Variants in MYCBP2 observed in about 807,000 individuals in gnomAD.
MYCBP2 encodes the protein MYC binding protein 2.
Under a neutral mutation model 525.3 loss-of-function variants are expected in MYCBP2, and 120 were observed. The ratio of observed to expected loss-of-function variants is 0.23; its 90% confidence interval spans 0.20 to 0.27. The LOEUF (loss-of-function observed/expected upper bound fraction) is 0.27, where lower values mean the gene tolerates loss of function less well. Among genes scored for constraint, MYCBP2 ranks in the 10% least tolerant of loss-of-function variants. MYCBP2 has a pLI of 1.00. For synonymous variants in MYCBP2, 1,894 were observed against 1,955.8 expected (o/e 0.97, Z 0.83); for missense variants, 4,149 against 5,657.1 (o/e 0.73, Z 8.55).
chr13:77,245,543 G>A lies in MYCBP2; in HGVS notation c.2382-1592C>T, dbSNP rs188239260. On this transcript the variant is annotated intron_variant, in intron 15 of 82. Coordinates refer to ENST00000544440, the MANE Select transcript of MYCBP2 (RefSeq NM_015057.5). ...ACACTGCATGTTCTCACTCATAAGT[G>A]GGAGTTGAACAATGAGAACACATGG... is the stretch of plus-strand genomic sequence containing the variant. 2.2e-4 allele frequency among the ~76,000 whole-genome samples: 33 copies of A among 151,796 alleles called. No individual in the cohort carries two copies. In the East Asian group the frequency reaches 6.2e-3, roughly 29 times the overall value.
intron 23 of MYCBP2, among the ~76,000 whole-genome samples, chr13:77,207,618 TA>T (rs1363216418): frequency 6.6e-6 from 1 of 152,152 alleles, no homozygotes; most frequent in African/African-American, 2.4e-5. Flanking sequence ...TTACCACAAT[TA>T]AAAAATTTTA....
intron 5 of MYCBP2, among the ~76,000 whole-genome samples, chr13:77,272,626 T>G (rs1207367733): frequency 6.6e-6 from 1 of 151,938 alleles, no homozygotes; most frequent in Non-Finnish European, 1.5e-5. Flanking sequence ...TCAAAATAAT[T>G]AAGGACCATA....
intron 1 of MYCBP2, among the ~76,000 whole-genome samples, chr13:77,325,444 T>TG (rs2154385316): frequency 6.6e-6 from 1 of 152,208 alleles, no homozygotes; most frequent in East Asian, 1.9e-4. Context: ...ATGCGGCATG[T>TG]AAGGGCATGG....
intron 59 of MYCBP2, among the ~76,000 whole-genome samples, chr13:77,090,986 AAAAC>A (rs1270304668): frequency 1.3e-5 from 2 of 152,162 alleles, no homozygotes; most frequent in African/African-American, 4.8e-5. Flanking sequence ...TTATTTCTCT[AAAAC>A]AAATTTAGAA....
chr13:77,059,659 T>A (rs779575935), intron 76 of MYCBP2, 33 bp from the exon 77 acceptor site: 1 of 1,484,948 alleles, frequency 6.7e-7, no homozygotes, highest in Non-Finnish European at 9.4e-7. Context: ...AAATCCTTCT[T>A]ATGGATGTTT....
At chr13:77,045,696 GGAA>G (rs1431777563) in intron 82 of MYCBP2, among the ~76,000 whole-genome samples, 1 of 152,146 alleles carries the variant, frequency 6.6e-6, no homozygotes, top group Non-Finnish European at 1.5e-5. Flanking sequence ...TATGTACAAT[GGAA>G]GAAGTGATGG....
At chr13:77,238,019 G>T (rs139952272) in intron 17 of MYCBP2, among the ~76,000 whole-genome samples, 6 of 151,900 alleles carry the variant, frequency 3.9e-5, no homozygotes, top group Non-Finnish European at 8.8e-5. Context: ...CAAGGCAGGC[G>T]GATTACAAGG....
At chr13:77,211,083 T>C in intron 23 of MYCBP2, 84 bp downstream of exon 23, 1 of 1,115,704 alleles carries the variant, frequency 9.0e-7, no homozygotes, top group Non-Finnish European at 1.2e-6. Context: ...ATGTGAAAAG[T>C]CCACCTGTAA....
chr13:77,105,189 C>A lies in MYCBP2; in HGVS notation c.8141-6176G>T, dbSNP rs115205067. ...GAAGACTCCACATAGCAGGAAGACA[C>A]AGGAATAGGAAATCAGAAGAATACC... On this transcript the variant is annotated intron_variant, in intron 55 of 82. Transcript: ENST00000544440. Among the ~76,000 whole-genome samples the A allele has an allele frequency of 2.4e-3, 360 of 152,066 alleles. 4 individuals carry two copies. The highest frequency in any genetic ancestry group is 8.4e-3 in the African/African-American group (350 of 41,488).
chr13:77,211,576 T>C (rs1400703161), intron 22 of MYCBP2, among the ~76,000 whole-genome samples: 4 of 152,152 alleles, frequency 2.6e-5, no homozygotes, highest in African/African-American at 9.6e-5. Flanking sequence ...ACAGTACAGA[T>C]TGATAACTTG....
rs772330770 is a variant in MYCBP2, at chr13:77,298,971, CAAAT to C, written c.303-2301_303-2298del. ...GGATGGTCAATAAATATCAGATGAA[CAAAT>C]AAATAAATAAAACACAATACGTATT... On this transcript the variant is annotated intron_variant, in intron 1 of 82. Transcript: ENST00000544440. 2.3e-3 allele frequency among the ~76,000 whole-genome samples: 349 copies of C among 151,788 alleles called. 3 individuals are homozygous for C. Among genetic ancestry groups the C allele is most frequent in the Admixed American group, 5.4e-3 (82 of 15,180 alleles).
At position 77,180,293 on chromosome 13, in the gene MYCBP2, G is replaced by A; in HGVS notation, c.4967C>T (p.Thr1656Ile). 6.2e-7 allele frequency: 1 copy of A among 1,614,098 alleles called. No individual in the cohort carries two copies. Among genetic ancestry groups the A allele is most frequent in the South Asian group, 1.1e-5 (1 of 91,084 alleles). Residue 1656 changes from threonine to isoleucine, a missense_variant, in exon 34 of 83, where the codon ACA becomes ATA. By Grantham distance (89) the Thr-to-Ile change is moderately conservative. Transcript: ENST00000544440. The part of the protein sequence containing the change: ...SQSEENISGM[T>I]SFREVLEKML... ...TTTCTCCAGAACTTCACGGAAGCTT[G>A]TCATCCCTGAGATATTCTCTTCACT...
At chr13:77,238,864 C>T (rs1339403419) in intron 17 of MYCBP2, among the ~76,000 whole-genome samples, 1 of 152,224 alleles carries the variant, frequency 6.6e-6, no homozygotes, top group Non-Finnish European at 1.5e-5. Context: ...AGCGCAGTGG[C>T]TCACACCTGT....
chr13:77,099,070 T>A, intron 55 of MYCBP2, 57 bp from the exon 56 acceptor site: 1 of 1,579,052 alleles, frequency 6.3e-7, no homozygotes, highest in Non-Finnish European at 8.5e-7. Context: ...TACTGATAAT[T>A]TAGCCACTAA....
chr13:77,117,315 C>T (rs1222324363), intron 55 of MYCBP2, among the ~76,000 whole-genome samples: 1 of 151,844 alleles, frequency 6.6e-6, no homozygotes, highest in Non-Finnish European at 1.5e-5. Context: ...CTTATATTTC[C>T]AAACTAATTA....
At chr13:77,259,918 C>T (rs2154337020) in intron 13 of MYCBP2, among the ~76,000 whole-genome samples, 1 of 152,260 alleles carries the variant, frequency 6.6e-6, no homozygotes, top group Non-Finnish European at 1.5e-5. Context: ...CCCTCATATC[C>T]ACTTCTCAAA....
intron 26 of MYCBP2, among the ~76,000 whole-genome samples, chr13:77,195,559 T>C (rs2061679613): frequency 6.6e-6 from 1 of 152,144 alleles, no homozygotes; most frequent in South Asian, 2.1e-4. Context: ...ATGGCATCAC[T>C]GCACTCCAGT....
chr13:77,321,913 C>A (rs1365099851), intron 1 of MYCBP2, among the ~76,000 whole-genome samples: 2 of 152,208 alleles, frequency 1.3e-5, no homozygotes, highest in Non-Finnish European at 2.9e-5. Flanking sequence ...ATAATCCCAG[C>A]ACTTTGGGAG....
chr13:77,193,969 A>G (rs1001330604), intron 27 of MYCBP2, among the ~76,000 whole-genome samples, 184 bp downstream of exon 27: 12 of 152,196 alleles, frequency 7.9e-5, no homozygotes, highest in African/African-American at 2.9e-4. Flanking sequence ...TATGAAGTAT[A>G]TTAGTTTTAA....
Sources: allele counts gnomAD v4.1 joint callset (sites outside exome capture counted in the v4.1 genomes callset), GRCh38; gene constraint gnomAD v4.1.1; transcripts MANE v1.5; gene names NCBI Gene and HGNC (gene_info 2026-07-23, HGNC 2026-07-21).